The following CKMT2 variants were observed in gnomAD, a reference collection of about 807,000 sequenced individuals.
CKMT2 encodes the protein creatine kinase, mitochondrial 2.
CKMT2 carries 43 observed loss-of-function variants against 48.9 expected under a neutral mutation model. The observed-to-expected ratio is 0.88, with a 90% confidence interval of 0.69 to 1.13. The LOEUF (loss-of-function observed/expected upper bound fraction) is 1.13. Among genes scored for constraint, CKMT2 ranks in the 50% most tolerant of loss-of-function variants. CKMT2 has a pLI of 0.00. For synonymous variants in CKMT2, 206 were observed against 213.0 expected, an observed-to-expected ratio of 0.97 and a Z score of 0.29; for missense variants, 472 against 555.4, an observed-to-expected ratio of 0.85 and a Z score of 1.51.
intron 9 of CKMT2, among the ~76,000 whole-genome samples, chr5:81,264,171 T>C (rs998097143): frequency 6.6e-6 from 1 of 152,196 alleles, no homozygotes; most frequent in African/African-American, 2.4e-5. Flanking sequence ...GATTCTGTGA[T>C]GAATATGTAG....
chr5:81,260,985 G>A (rs1042757271), intron 8 of CKMT2, among the ~76,000 whole-genome samples: 57 of 152,118 alleles, frequency 3.7e-4, no homozygotes, highest in African/African-American at 1.3e-3. Flanking sequence ...CTGGCAAACC[G>A]AATCCAGCAG....
chr5:81,261,631 A>T (rs1757227926), intron 8 of CKMT2, among the ~76,000 whole-genome samples: 1 of 152,204 alleles, frequency 6.6e-6, no homozygotes, highest in African/African-American at 2.4e-5. Flanking sequence ...TAGGAATACA[A>T]CTTACGAGGG....
chr5:81,246,260 C>T (rs1259028790), intron 1 of CKMT2, among the ~76,000 whole-genome samples: 1 of 151,554 alleles, frequency 6.6e-6, no homozygotes, highest in African/African-American at 2.4e-5. Context: ...GGTCTCGGGG[C>T]CTGCACACCT....
intron 1 of CKMT2, chr5:81,238,222 T>A (rs1389615566): frequency 9.9e-5 from 15 of 152,164 alleles, no homozygotes; most frequent in Admixed American, 7.2e-4. Flanking sequence ...CAGTCCCAGC[T>A]ACTTGGGAGG....
chr5:81,243,953 A>G (rs1383483661), intron 1 of CKMT2: 1 of 896,808 alleles, frequency 1.1e-6, no homozygotes, highest in East Asian at 1.2e-4. Flanking sequence ...TTGGCCTCCC[A>G]AAGTGCTGGG....
At chr5:81,237,011 T>G (rs1756264961) in intron 1 of CKMT2, among the ~76,000 whole-genome samples, 1 of 152,016 alleles carries the variant, frequency 6.6e-6, no homozygotes, top group Non-Finnish European at 1.5e-5. Flanking sequence ...TAGCCACATG[T>G]GGTGGTGGGC....
At chr5:81,234,563 T>C (rs1319029614) in intron 1 of CKMT2, among the ~76,000 whole-genome samples, 2 of 152,194 alleles carry the variant, frequency 1.3e-5, no homozygotes, top group Non-Finnish European at 2.9e-5. Context: ...TTCCTCTGCA[T>C]TGATAGGCAC....
intron 9 of CKMT2, 66 bp from the exon 10 acceptor site, chr5:81,266,073 C>A: frequency 5.4e-6 from 8 of 1,491,862 alleles, no homozygotes; most frequent in South Asian, 1.2e-5. Flanking sequence ...CAGTGCTGTT[C>A]CTGTTAATCA....
chr5:81,256,471 T>A (rs986630659), intron 5 of CKMT2, among the ~76,000 whole-genome samples: 1 of 152,258 alleles, frequency 6.6e-6, no homozygotes, highest in Non-Finnish European at 1.5e-5. Context: ...ACATCTCTAA[T>A]ACTTTTTAAT....
At position 81,252,896 on chromosome 5, in the gene CKMT2, A is replaced by G. The variant is rs1756872404; in HGVS notation, c.351+3A>G. 2.5e-6 allele frequency: 4 copies of G among 1,613,998 alleles called. No individual in the cohort carries two copies. In the African/African-American group the frequency reaches 5.3e-5, roughly 22 times the overall value. On this transcript the variant is annotated splice_donor_region_variant and intron_variant, in intron 3 of 9. Transcript: ENST00000254035. ...CTGGTGACGAGGAGTCCTATGAGGT[A>G]AAACTATTGGCTGCTGGTTCCAGGG...
intron 1 of CKMT2, among the ~76,000 whole-genome samples, chr5:81,243,564 A>G (rs374154307): frequency 6.6e-6 from 1 of 152,218 alleles, no homozygotes; most frequent in Non-Finnish European, 1.5e-5. Flanking sequence ...TCAAATTGAG[A>G]TCATGCAAAG....
rs185581701 is a variant in CKMT2 at position 81,242,691 on chromosome 5, G to A, written c.-20-8422G>A. On this transcript the variant is annotated intron_variant, in intron 1 of 9. Coordinates refer to ENST00000254035, the MANE Select transcript of CKMT2 (RefSeq NM_001099735.2). Reference sequence around the variant, plus strand: ...TGCTGGGTGCCAAGCAAGAAGAATGGGTACCTAGCACTTAACACCTGAGCT... The same window carrying A: ...TGCTGGGTGCCAAGCAAGAAGAATGAGTACCTAGCACTTAACACCTGAGCT... 5 of 205,034 alleles carry A rather than the reference G, an allele frequency of 2.4e-5. 1 individual carries two copies. Among genetic ancestry groups the A allele is most frequent in the Admixed American group, 2.2e-4 (4 of 17,914 alleles). The allele number at this position is 205,034 out of a possible 1,614,324, so 12.7% of individuals were successfully genotyped here.
At chr5:81,242,916 C>A (rs996184564) in intron 1 of CKMT2, among the ~76,000 whole-genome samples, 1 of 152,196 alleles carries the variant, frequency 6.6e-6, no homozygotes, top group African/African-American at 2.4e-5. Context: ...GGTCAAGATG[C>A]TATCTTTAGT....
intron 1 of CKMT2, among the ~76,000 whole-genome samples, chr5:81,240,476 A>G (rs1756399017): frequency 1.3e-5 from 2 of 152,192 alleles, no homozygotes; most frequent in South Asian, 2.1e-4. Flanking sequence ...GCAGGGGTCT[A>G]TTCATCGTTT....
chr5:81,246,597 A>C (rs1052946221), intron 1 of CKMT2, among the ~76,000 whole-genome samples: 2 of 152,126 alleles, frequency 1.3e-5, no homozygotes, highest in Non-Finnish European at 2.9e-5. Context: ...CTTTCATATC[A>C]TTATTGCCTA....
chr5:81,260,205 G>C (rs1162934502), intron 8 of CKMT2, among the ~76,000 whole-genome samples: 1 of 152,086 alleles, frequency 6.6e-6, no homozygotes, highest in East Asian at 1.9e-4. Flanking sequence ...GAATCTCTGG[G>C]ACACAGCTAA....
chr5:81,266,161 T>A lies in CKMT2; in HGVS notation c.1163T>A (p.Ile388Asn), dbSNP rs764714395. Residue 388 changes from isoleucine to asparagine, a missense_variant, in exon 10 of 10, where the codon ATC (isoleucine) becomes AAC (asparagine). Coordinates refer to ENST00000254035, the MANE Select transcript of CKMT2 (RefSeq NM_001099735.2). Reference sequence around the variant, plus strand: ...AAGGTTGAGCTTGTTCAGATAGTCATCGATGGAGTCAATTACCTGGTGGAT... The same window carrying A: ...AAGGTTGAGCTTGTTCAGATAGTCAACGATGGAGTCAATTACCTGGTGGAT... ...RSEVELVQIV[I>N]DGVNYLVDCE... 3.1e-6 allele frequency: 5 copies of A among 1,612,786 alleles called. 1 individual carries two copies. In the South Asian group the frequency reaches 5.5e-5, roughly 18 times the overall value.
intron 1 of CKMT2, among the ~76,000 whole-genome samples, chr5:81,250,004 T>C (rs1324340990): frequency 6.6e-6 from 1 of 152,242 alleles, no homozygotes; most frequent in Non-Finnish European, 1.5e-5. Flanking sequence ...TCATGGATTC[T>C]TTTATCAGTT....
intron 1 of CKMT2, among the ~76,000 whole-genome samples, chr5:81,243,540 T>C (rs573917422): frequency 1.3e-5 from 2 of 152,200 alleles, no homozygotes; most frequent in Non-Finnish European, 2.9e-5. Context: ...ATGTAGGATA[T>C]ACATGTGTGT....
Sources: allele counts gnomAD v4.1 joint callset (sites outside exome capture counted in the v4.1 genomes callset), GRCh38; gene constraint gnomAD v4.1.1; transcripts MANE v1.5; gene names NCBI Gene and HGNC (gene_info 2026-07-23, HGNC 2026-07-21).